The following NLRC5 variants were observed in gnomAD, a reference collection of about 807,000 sequenced individuals.
The protein encoded by NLRC5 is NLR family CARD domain containing 5.
In NLRC5, 114 loss-of-function variants were observed where a neutral mutation model predicts 206.9. The observed-to-expected ratio is 0.55, with a 90% CI of 0.47 to 0.64. NLRC5 has a LOEUF of 0.64. Ranked by LOEUF, NLRC5 falls within the 30% of genes least tolerant of loss-of-function variation. The pLI is 0.00. For missense variants in NLRC5, 2,008 were observed against 2,305.5 expected, an observed-to-expected ratio of 0.87 and a Z score of 2.64; for synonymous variants, 952 against 962.8, an observed-to-expected ratio of 0.99 and a Z score of 0.21.
intron 2 of NLRC5, among the ~76,000 whole-genome samples, chr16:57,019,847 G>A (rs557518541): frequency 1.3e-5 from 2 of 152,256 alleles, no homozygotes; most frequent in African/African-American, 4.8e-5. Flanking sequence ...ACAGATTTTG[G>A]GAGACAACTA....
intron 1 of NLRC5, among the ~76,000 whole-genome samples, chr16:57,003,617 T>C (rs2058559473): frequency 6.6e-6 from 1 of 152,090 alleles, no homozygotes; most frequent in Admixed American, 6.5e-5. Context: ...GGGGGTGCAG[T>C]GACGTGAAGT....
At chr16:57,029,606 T>C (rs1206835955) in intron 8 of NLRC5, among the ~76,000 whole-genome samples, 167 bp from the exon 9 acceptor site, 1 of 152,212 alleles carries the variant, frequency 6.6e-6, no homozygotes, top group African/African-American at 2.4e-5. Flanking sequence ...GCAGAGGGTC[T>C]TTCCTCCTAG....
Position 57,026,290 on chromosome 16 carries a change from T to A in NLRC5, c.1347T>A (p.Pro449=), listed in dbSNP as rs777745465. The A allele has an allele frequency of 3.1e-6, 5 of 1,614,002 alleles. No individual in the cohort carries two copies. Among genetic ancestry groups the A allele is most frequent in the Non-Finnish European group, 4.2e-6 (5 of 1,180,024 alleles). The change falls in exon 6 of 49, where the codon CCT becomes CCA. Residue 449 remains proline (P), a synonymous_variant. Coordinates refer to ENST00000688547, the MANE Select transcript of NLRC5 (RefSeq NM_001384950.1). ...AGATGGTGCTCGCCCTCAGCCCCCC[T>A]GGGCACTTGCCCACCTCGTCCCTAC... The part of the protein sequence containing the change: ...YMQMVLALSP[P]GHLPTSSLLD...
At chr16:57,017,727 A>G (rs935896155) in intron 2 of NLRC5, among the ~76,000 whole-genome samples, 5 of 152,232 alleles carry the variant, frequency 3.3e-5, no homozygotes, top group African/African-American at 1.2e-4. Flanking sequence ...TACAGGCATG[A>G]CATGAGTCTT....
chr16:57,070,658 G>A (rs2067537134), intron 38 of NLRC5, 40 bp downstream of exon 38: 3 of 1,538,296 alleles, frequency 2.0e-6, no homozygotes, highest in Non-Finnish European at 2.7e-6. Context: ...GAGTGGTGGG[G>A]GTGGTTAATG....
At chr16:57,012,333 T>C (rs1449833179) in intron 1 of NLRC5, among the ~76,000 whole-genome samples, 2 of 152,250 alleles carry the variant, frequency 1.3e-5, no homozygotes. Flanking sequence ...TACAAGTTTT[T>C]GTGTAGATGT....
At chr16:56,998,563 C>A (rs560592093) in intron 1 of NLRC5, among the ~76,000 whole-genome samples, 37 of 152,268 alleles carry the variant, frequency 2.4e-4, no homozygotes, top group Middle Eastern at 3.4e-3. Context: ...ACTGGCCTGG[C>A]GTCACCCAGC....
chr16:57,022,407 C>G (rs1000955312), intron 4 of NLRC5, 92 bp downstream of exon 4: 3 of 1,083,840 alleles, frequency 2.8e-6, no homozygotes, highest in Non-Finnish European at 4.2e-6. Flanking sequence ...GCTGTGGTGG[C>G]TGGTCACAGC....
At chr16:57,047,783 G>T in intron 23 of NLRC5, 155 bp downstream of exon 23, 1 of 666,602 alleles carries the variant, frequency 1.5e-6, no homozygotes. Context: ...GTAGAAACTT[G>T]GCTGTCTCTC....
chr16:57,056,946 A>G (rs73546879), intron 27 of NLRC5, among the ~76,000 whole-genome samples: 35,590 of 151,900 alleles, frequency 0.23, 4,570 homozygotes, highest in African/African-American at 0.34. Context: ...GCCTTGAGCC[A>G]CCGCACCCAG....
At chr16:57,003,047 GTGTTTGTTTGTT>G (rs141689188) in intron 1 of NLRC5, among the ~76,000 whole-genome samples, 160 of 150,152 alleles carry the variant, frequency 1.1e-3, no homozygotes, top group African/African-American at 3.7e-3. Context: ...ATAGATTGAG[GTGTTTGTTTGTT>G]TGTTTGTTTG....
At chr16:57,030,438 A>AGACGGATG (rs1555523086) in intron 10 of NLRC5, among the ~76,000 whole-genome samples, 7 of 89,542 alleles carry the variant, frequency 7.8e-5, no homozygotes, top group Admixed American at 5.3e-4. Context: ...GTGGATGAAA[A>AGACGGATG]GATGGATGGA....
At chr16:56,995,664 C>A (rs2057517502) in intron 1 of NLRC5, among the ~76,000 whole-genome samples, 1 of 152,158 alleles carries the variant, frequency 6.6e-6, no homozygotes, top group Non-Finnish European at 1.5e-5. Context: ...CCCTTCTGTC[C>A]CTCCTGGTGA....
chr16:57,035,442 C>G (rs1203279707), intron 13 of NLRC5, among the ~76,000 whole-genome samples: 4 of 152,144 alleles, frequency 2.6e-5, no homozygotes, highest in Non-Finnish European at 5.9e-5. Context: ...ACCCTGCCCC[C>G]AGCCTCCTAA....
At chr16:57,039,871 A>G in intron 16 of NLRC5, 22 bp downstream of exon 16, 2 of 1,600,846 alleles carry the variant, frequency 1.2e-6, no homozygotes, top group Non-Finnish European at 1.7e-6. Flanking sequence ...TTTCACCCCA[A>G]CTCCATGCTC....
chr16:57,082,593 C>A lies in NLRC5; in HGVS notation c.*65C>A. On this transcript the variant is annotated 3_prime_UTR_variant, in exon 49 of 49. Coordinates refer to ENST00000688547, the MANE Select transcript of NLRC5 (RefSeq NM_001384950.1). ...ACCCAAATGATCCACCTTTCGCCCA[C>A]TGGGATAATTGACTCAGGAAAGAAG... 4 of 1,243,106 alleles carry A rather than the reference C, an allele frequency of 3.2e-6. No homozygotes were observed. The highest frequency in any genetic ancestry group is 2.4e-5 in the East Asian group (1 of 42,390). 77.0% of individuals were successfully genotyped at this position (1,243,106 alleles called of 1,614,324 possible).
Position 57,023,812 on chromosome 16 carries a change from G to T in NLRC5, c.383G>T (p.Gly128Val). 1 of 1,612,282 alleles carries T rather than the reference G, an allele frequency of 6.2e-7. No homozygotes were observed. Among genetic ancestry groups the T allele is most frequent in the Non-Finnish European group, 8.5e-7 (1 of 1,179,104 alleles). ...CTGAAGCGCCCACATCAGAGCTGTG[G>T]GTCCTCACCCCGCCGGAAGCAGTGC... is the stretch of plus-strand genomic sequence containing the variant. ...HGLKRPHQSCGSSPRRKQCKK... is the reference protein window; with the variant it reads ...HGLKRPHQSCVSSPRRKQCKK... The change falls in exon 5 of 49, where the codon GGG becomes GTG. Residue 128 changes from glycine (G) to valine (V), a missense_variant. Physicochemically the swap from Gly to Val is moderately radical, Grantham distance 109 (BLOSUM62 -3). Coordinates refer to ENST00000688547, the MANE Select transcript of NLRC5 (RefSeq NM_001384950.1).
chr16:57,069,799 G>T (rs745571217), intron 36 of NLRC5, 37 bp from the exon 37 acceptor site: 18 of 1,562,808 alleles, frequency 1.2e-5, no homozygotes, highest in Non-Finnish European at 1.6e-5. Flanking sequence ...ACCCAGGGCG[G>T]CTCCTGCCTG....
At chr16:57,050,484 G>T (rs2064731593) in intron 23 of NLRC5, among the ~76,000 whole-genome samples, 1 of 152,242 alleles carries the variant, frequency 6.6e-6, no homozygotes, top group Non-Finnish European at 1.5e-5. Context: ...GCAGCCTGCA[G>T]AGGATGAAGG....
Sources: allele counts gnomAD v4.1 joint callset (sites outside exome capture counted in the v4.1 genomes callset), GRCh38; gene constraint gnomAD v4.1.1; transcripts MANE v1.5; gene names NCBI Gene and HGNC (gene_info 2026-07-23, HGNC 2026-07-21).